The following OS9 variants were observed in gnomAD, a reference collection of about 807,000 sequenced individuals.
OS9 encodes the protein OS9 endoplasmic reticulum lectin.
OS9 carries 58 observed loss-of-function variants against 84.7 expected under a neutral mutation model. The observed-to-expected ratio is 0.68, with a 90% CI of 0.55 to 0.85. The LOEUF is 0.85. OS9 is among the 40% of genes least tolerant of loss of function. The pLI is 0.00. For synonymous variants in OS9, 278 were observed against 320.8 expected (o/e 0.87, Z 1.43); for missense variants, 760 against 850.9 (o/e 0.89, Z 1.33).
chr12:57,695,657 G>T, intron 2 of OS9, 123 bp from the exon 3 acceptor site: 1 of 752,330 alleles, frequency 1.3e-6, no homozygotes. Flanking sequence ...GAGTGGAAGT[G>T]AAGGGAAGAG....
intron 5 of OS9, among the ~76,000 whole-genome samples, chr12:57,714,763 T>C (rs1457053504): frequency 6.6e-6 from 1 of 152,104 alleles, no homozygotes; most frequent in South Asian, 2.1e-4. Flanking sequence ...ACCTCGCTAA[T>C]TTTTAAAAAT....
chr12:57,694,238 GC>G lies in OS9; in HGVS notation c.78del (p.Gly27ValfsTer5). 1 of 1,614,224 alleles carries G rather than the reference GC, an allele frequency of 6.2e-7. No homozygotes were observed. The highest frequency in any genetic ancestry group is 8.5e-7 in the Non-Finnish European group (1 of 1,180,038). On this transcript the variant is annotated frameshift_variant, in exon 1 of 15. Transcript: ENST00000315970. LOFTEE classifies it high-confidence loss of function. ...LGLLLPASLT[G>X]GVGSLNLEEL... ...CTCCTGTTACCCGCAAGTCTGACCGGCGGTGTCGGGAGCCTGAACCTGGAGG... is the reference window on the plus strand; with the variant it reads ...CTCCTGTTACCCGCAAGTCTGACCGGGGTGTCGGGAGCCTGAACCTGGAGG...
rs749986653 is a variant in OS9, at chr12:57,696,346, TGGGAGGCCCC to T, written c.561_570del (p.Glu189PhefsTer29). ...GCAATGGGTCCAAGTGCGACCTTAATGGGAGGCCCCGGGAGGCCGAGGTTCGGGTGAGTCT... is the reference window on the plus strand; with the variant it reads ...GCAATGGGTCCAAGTGCGACCTTAATGGGAGGCCGAGGTTCGGGTGAGTCT... On this transcript the variant is annotated frameshift_variant, in exon 5 of 15. Transcript: ENST00000315970. LOFTEE classifies it high-confidence loss of function. 2 of 1,603,784 alleles carry T rather than the reference TGGGAGGCCCC, an allele frequency of 1.2e-6. No homozygotes were observed. Among genetic ancestry groups the T allele is most frequent in the African/African-American group, 2.7e-5 (2 of 73,616 alleles).
intron 5 of OS9, among the ~76,000 whole-genome samples, chr12:57,699,031 A>C (rs905703222): frequency 4.6e-5 from 7 of 152,330 alleles, no homozygotes; most frequent in African/African-American, 1.7e-4. Flanking sequence ...GGATGAAGAA[A>C]TGTGAATATT....
rs1203515386 is a variant in OS9, at chr12:57,694,745, C to T, written c.163-5C>T. ...CTTGCCCCCCGACCCTCCCTTCTTT[C>T]CCAGAGCCAATCTTCGGACGTGGTG... On this transcript the variant is annotated splice_region_variant and splice_polypyrimidine_tract_variant and intron_variant, in intron 1 of 14. Transcript: ENST00000315970. 4 of 1,613,282 alleles carry T rather than the reference C, an allele frequency of 2.5e-6. No individual in the cohort carries two copies. Among genetic ancestry groups the T allele is most frequent in the East Asian group, 4.5e-5 (2 of 44,886 alleles).
chr12:57,716,286 G>GA, intron 7 of OS9, 93 bp downstream of exon 7: 2 of 752,290 alleles, frequency 2.7e-6, no homozygotes, highest in East Asian at 2.8e-5. Flanking sequence ...GGGTGGGGGG[G>GA]GGTGGAAAAG....
At chr12:57,696,927 C>A (rs1458822587) in intron 5 of OS9, among the ~76,000 whole-genome samples, 1 of 152,200 alleles carries the variant, frequency 6.6e-6, no homozygotes, top group African/African-American at 2.4e-5. Flanking sequence ...TCACTCTCGC[C>A]TGCATCCCTG....
chr12:57,700,837 G>T (rs1259602244), intron 5 of OS9, among the ~76,000 whole-genome samples: 2 of 152,058 alleles, frequency 1.3e-5, no homozygotes, highest in African/African-American at 4.8e-5. Context: ...TCTAAAGGAA[G>T]GTCTAGGGTA....
intron 5 of OS9, among the ~76,000 whole-genome samples, chr12:57,706,058 T>C (rs2140308767): frequency 6.6e-6 from 1 of 152,352 alleles, no homozygotes; most frequent in Middle Eastern, 3.4e-3. Flanking sequence ...GAAGTGGCAA[T>C]GATGGGCATC....
chr12:57,710,846 C>T (rs1468063027), intron 5 of OS9, among the ~76,000 whole-genome samples: 1 of 151,980 alleles, frequency 6.6e-6, no homozygotes, highest in Non-Finnish European at 1.5e-5. Flanking sequence ...TCAAGACCAG[C>T]TTGGCCCATA....
chr12:57,716,231 C>A, intron 7 of OS9, 38 bp downstream of exon 7: 1 of 1,344,772 alleles, frequency 7.4e-7, no homozygotes, highest in Non-Finnish European at 1.1e-6. Flanking sequence ...AAACTCACTT[C>A]CATTTCTTCC....
chr12:57,708,681 T>C (rs1270460952), intron 5 of OS9, among the ~76,000 whole-genome samples: 3 of 152,122 alleles, frequency 2.0e-5, no homozygotes, highest in African/African-American at 7.2e-5. Flanking sequence ...TATTCTGTTA[T>C]ATAGTTGTAT....
At chr12:57,719,887 G>A (rs1389066257) in intron 12 of OS9, 9 of 517,432 alleles carry the variant, frequency 1.7e-5, no homozygotes, top group South Asian at 5.8e-5. Flanking sequence ...TGGGTAGGGC[G>A]GGAAGATGGA....
rs1166596017 is a variant in OS9, at chr12:57,715,840, G to C, written c.660G>C (p.Leu220=). Residue 220 remains leucine (L), a synonymous_variant, in exon 6 of 15, where the codon CTG becomes CTC. Transcript: ENST00000315970. The stretch of plus-strand genomic sequence containing the variant: ...AGCCCTTGTCCTGCTCTTATGTGCT[G>C]ACCATTCGCACTCCTCGGCTCTGCC... ...VDEPLSCSYV[L]TIRTPRLCPH... is the part of the protein sequence containing the mutation. The C allele has an allele frequency of 6.2e-7, 1 of 1,613,956 alleles. No individual in the cohort carries two copies. The highest frequency in any genetic ancestry group is 1.7e-5 in the Admixed American group (1 of 59,996).
chr12:57,700,449 A>G (rs1275387076), intron 5 of OS9, among the ~76,000 whole-genome samples: 1 of 151,924 alleles, frequency 6.6e-6, no homozygotes, highest in Non-Finnish European at 1.5e-5. Flanking sequence ...TTTTGGTGGC[A>G]GAAAGTTGAG....
At chr12:57,711,717 G>A (rs868347682) in intron 5 of OS9, among the ~76,000 whole-genome samples, 1 of 152,168 alleles carries the variant, frequency 6.6e-6, no homozygotes, top group Non-Finnish European at 1.5e-5. Context: ...TCTACTGGTT[G>A]AAATAGTTCC....
intron 6 of OS9, 21 bp downstream of exon 6, chr12:57,715,991 G>A (rs2140329270): frequency 2.5e-6 from 4 of 1,608,958 alleles, no homozygotes; most frequent in Non-Finnish European, 3.4e-6. Flanking sequence ...AGAGAAGGAG[G>A]AGAAGACGGG....
Position 57,718,242 on chromosome 12 carries a change from A to C in OS9, c.1231A>C (p.Arg411=), listed in dbSNP as rs537205760. 1.1e-5 allele frequency: 17 copies of C among 1,614,176 alleles called. No individual in the cohort carries two copies. In the African/African-American group the frequency reaches 1.9e-4, roughly 18 times the overall value. ...GGAAAGGGGTGATCCAGAACGGCAG[A>C]GAGAGATGGAAGAAGAGGAGGATGA... ...EKERGDPERQ[R]EMEEEEDEDE... Residue 411 remains arginine (R), a synonymous_variant, in exon 11 of 15, where the codon AGA becomes CGA. Coordinates refer to ENST00000315970, the MANE Select transcript of OS9 (RefSeq NM_006812.4).
chr12:57,714,956 C>G (rs896242524), intron 5 of OS9, among the ~76,000 whole-genome samples: 5 of 152,184 alleles, frequency 3.3e-5, no homozygotes, highest in Non-Finnish European at 5.9e-5. Context: ...AAAGGCCAAT[C>G]AATCTCTTTA....
Sources: allele counts gnomAD v4.1 joint callset (sites outside exome capture counted in the v4.1 genomes callset), GRCh38; gene constraint gnomAD v4.1.1; transcripts MANE v1.5; gene names NCBI Gene and HGNC (gene_info 2026-07-23, HGNC 2026-07-21).